The following ADCY2 variants were observed in gnomAD, a reference collection of about 807,000 sequenced individuals.
ADCY2 encodes adenylate cyclase type 2.
ADCY2 carries 31 observed loss-of-function variants against 125.2 expected under a neutral mutation model. That is an observed-to-expected ratio of 0.25 (90% confidence interval 0.19 to 0.33). ADCY2 has a LOEUF of 0.33. ADCY2 is among the 10% of genes least tolerant of loss of function. ADCY2 has a pLI of 1.00. For missense variants in ADCY2, 904 were observed against 1,418.2 expected, an observed-to-expected ratio of 0.64 and a Z score of 5.82; for synonymous variants, 512 against 548.4, an observed-to-expected ratio of 0.93 and a Z score of 0.93.
chr5:7,753,354 G>C (rs1742886566), intron 15 of ADCY2, among the ~76,000 whole-genome samples: 1 of 152,206 alleles, frequency 6.6e-6, no homozygotes, highest in Non-Finnish European at 1.5e-5. Flanking sequence ...ATGGGGTTCA[G>C]TGAGATGATC....
intron 4 of ADCY2, chr5:7,654,000 C>T: frequency 2.2e-6 from 1 of 448,636 alleles, no homozygotes; most frequent in Non-Finnish European, 4.5e-6. Flanking sequence ...ACCAGTGGAG[C>T]CACACGTCTA....
At chr5:7,612,637 G>A (rs914335475) in intron 3 of ADCY2, among the ~76,000 whole-genome samples, 7 of 152,192 alleles carry the variant, frequency 4.6e-5, no homozygotes, top group Admixed American at 4.6e-4. Flanking sequence ...CCGGGAGGGG[G>A]TAGGGAAGAT....
At chr5:7,664,855 C>A (rs1396358998) in intron 4 of ADCY2, among the ~76,000 whole-genome samples, 1 of 152,190 alleles carries the variant, frequency 6.6e-6, no homozygotes, top group African/African-American at 2.4e-5. Context: ...CTGCACAGTA[C>A]AACTTGGTCT....
chr5:7,688,456 A>G (rs1411990492), intron 4 of ADCY2, among the ~76,000 whole-genome samples: 1 of 151,580 alleles, frequency 6.6e-6, no homozygotes. Flanking sequence ...TTTAGTAGAG[A>G]TGGGGTTTCA....
intron 14 of ADCY2, among the ~76,000 whole-genome samples, chr5:7,737,779 A>C (rs1396929944): frequency 6.6e-6 from 1 of 152,250 alleles, no homozygotes; most frequent in Admixed American, 6.5e-5. Context: ...CAGAAAAAAG[A>C]AAAACATTAA....
chr5:7,583,977 G>A (rs1736530518), intron 3 of ADCY2, among the ~76,000 whole-genome samples: 1 of 152,106 alleles, frequency 6.6e-6, no homozygotes, highest in African/African-American at 2.4e-5. Flanking sequence ...CCAATGCAAA[G>A]TGTACTGAGT....
At chr5:7,738,106 A>G (rs978314982) in intron 14 of ADCY2, among the ~76,000 whole-genome samples, 4 of 152,222 alleles carry the variant, frequency 2.6e-5, no homozygotes, top group Admixed American at 2.6e-4. Flanking sequence ...AGTATTGGAC[A>G]TGCTTACTTT....
At chr5:7,581,618 G>T (rs929246862) in intron 3 of ADCY2, among the ~76,000 whole-genome samples, 4 of 151,894 alleles carry the variant, frequency 2.6e-5, no homozygotes, top group Non-Finnish European at 5.9e-5. Flanking sequence ...AAGAGATCAA[G>T]ACCATCCTGG....
At chr5:7,719,796 C>T (rs541354970) in intron 12 of ADCY2, among the ~76,000 whole-genome samples, 82 of 152,298 alleles carry the variant, frequency 5.4e-4, no homozygotes, top group African/African-American at 2.0e-3. Context: ...AATACAGCCA[C>T]ACTGGGAGTT....
chr5:7,426,217 C>A (rs1047819439), intron 2 of ADCY2, among the ~76,000 whole-genome samples: 1 of 152,190 alleles, frequency 6.6e-6, no homozygotes, highest in Non-Finnish European at 1.5e-5. Flanking sequence ...TAAAACATTT[C>A]TCTGAGTTAA....
intron 15 of ADCY2, 124 bp downstream of exon 15, chr5:7,743,876 G>A (rs1169881109): frequency 4.6e-6 from 4 of 866,774 alleles, no homozygotes; most frequent in African/African-American, 1.7e-5. Flanking sequence ...CCAGATCCCA[G>A]TTAAGGAAAC....
intron 2 of ADCY2, among the ~76,000 whole-genome samples, chr5:7,443,814 C>G (rs1393432180): frequency 6.6e-6 from 1 of 151,916 alleles, no homozygotes; most frequent in Non-Finnish European, 1.5e-5. Context: ...TCACGAAATA[C>G]ATAGGGTCGG....
intron 4 of ADCY2, among the ~76,000 whole-genome samples, chr5:7,649,198 T>G (rs2126680497): frequency 6.6e-6 from 1 of 152,348 alleles, no homozygotes; most frequent in Non-Finnish European, 1.5e-5. Context: ...CCACAAATAT[T>G]GTGTTGATGT....
chr5:7,626,096 G>C, intron 3 of ADCY2, 71 bp from the exon 4 acceptor site: 6 of 1,507,912 alleles, frequency 4.0e-6, no homozygotes, highest in Non-Finnish European at 5.4e-6. Flanking sequence ...TTGCTAATGT[G>C]CACTTTGTTT....
At chr5:7,787,757 C>CT (rs1744125962) in intron 19 of ADCY2, among the ~76,000 whole-genome samples, 1 of 152,278 alleles carries the variant, frequency 6.6e-6, no homozygotes, top group South Asian at 2.1e-4. Flanking sequence ...CCGAAATACT[C>CT]TGAGTATTCC....
At chr5:7,589,622 C>A (rs1000470252) in intron 3 of ADCY2, among the ~76,000 whole-genome samples, 2 of 152,036 alleles carry the variant, frequency 1.3e-5, no homozygotes, top group African/African-American at 4.8e-5. Flanking sequence ...GTAAGGAAGA[C>A]ATTTCTAAGT....
chr5:7,581,494 T>A (rs1384167294), intron 3 of ADCY2, among the ~76,000 whole-genome samples: 1 of 139,794 alleles, frequency 7.2e-6, no homozygotes, highest in Admixed American at 7.1e-5. Context: ...GAAATGGGGT[T>A]AAAAAGAATA....
At chr5:7,548,482 C>T (rs895655940) in intron 3 of ADCY2, among the ~76,000 whole-genome samples, 7 of 151,270 alleles carry the variant, frequency 4.6e-5, no homozygotes, top group African/African-American at 7.4e-5. Context: ...AGATTTGTAG[C>T]AAATTTTTTT....
intron 4 of ADCY2, among the ~76,000 whole-genome samples, chr5:7,633,358 C>T (rs184077025): frequency 2.0e-4 from 30 of 151,706 alleles, no homozygotes; most frequent in Admixed American, 1.9e-3. Flanking sequence ...ATTGCTTGAA[C>T]CCGGGAGGCA....
Sources: allele counts gnomAD v4.1 joint callset (sites outside exome capture counted in the v4.1 genomes callset), GRCh38; gene constraint gnomAD v4.1.1; transcripts MANE v1.5; gene names NCBI Gene and HGNC (gene_info 2026-07-23, HGNC 2026-07-21).